Variants in MALRD1 observed in about 807,000 individuals in gnomAD.
MALRD1 encodes the protein MAM and LDL receptor class A domain containing 1, also known as MAM and LDL-receptor class A domain-containing protein 1.
In MALRD1, 247 loss-of-function variants were observed where a neutral mutation model predicts 242.1. The ratio of observed to expected loss-of-function variants is 1.02; its 90% CI spans 0.92 to 1.13. The LOEUF (loss-of-function observed/expected upper bound fraction) is 1.13. Among genes scored for constraint, MALRD1 ranks in the 50% most tolerant of loss-of-function variants. MALRD1 has a pLI of 0.00. For missense variants in MALRD1, 2,989 were observed against 2,533.1 expected, an observed-to-expected ratio of 1.18 and a Z score of -3.86; for synonymous variants, 995 against 866.6, an observed-to-expected ratio of 1.15 and a Z score of -2.60.
At chr10:19,687,474 A>G (rs1371105263) in intron 36 of MALRD1, among the ~76,000 whole-genome samples, 2 of 151,910 alleles carry the variant, frequency 1.3e-5, no homozygotes, top group Non-Finnish European at 2.9e-5. Context: ...AAATATCCCC[A>G]CTTGCACTGG....
intron 28 of MALRD1, among the ~76,000 whole-genome samples, chr10:19,440,518 G>C (rs879251278): frequency 6.6e-6 from 1 of 151,900 alleles, no homozygotes; most frequent in Non-Finnish European, 1.5e-5. Context: ...AACAGGACCC[G>C]ATGTGTGATG....
In MALRD1 at chr10:19,093,929, TGAG is replaced by T. The variant is rs923550193; in HGVS notation, c.597+5749_597+5751del. Among the ~76,000 whole-genome samples the T allele has an allele frequency of 4.5e-4, 45 of 100,758 alleles. 11 individuals are homozygous for T. The highest frequency in any genetic ancestry group is 0.011 in the Middle Eastern group (2 of 184). The allele number at this position is 100,758 out of a possible 152,430, so 66.1% of individuals were successfully genotyped here. A position where few individuals can be genotyped will look rare whatever the true frequency, so the allele number is the denominator to read the frequency against. ...GGGGGTCAGGGGTCAGGGACCCACT[TGAG>T]GAGGCAGTCTGCCCGTTCTCAGATC... On this transcript the variant is annotated intron_variant, in intron 4 of 39. Transcript: ENST00000454679.
chr10:19,516,159 T>G (rs1033391419), intron 31 of MALRD1, among the ~76,000 whole-genome samples: 56 of 152,320 alleles, frequency 3.7e-4, no homozygotes, highest in African/African-American at 1.3e-3. Context: ...ATGTACCTGC[T>G]TTAATCAAAC....
chr10:19,428,829 A>T (rs1009643409), intron 28 of MALRD1, among the ~76,000 whole-genome samples: 2 of 152,226 alleles, frequency 1.3e-5, no homozygotes, highest in Non-Finnish European at 2.9e-5. Context: ...TTAGATTTGC[A>T]TAAAATCTAT....
At chr10:19,224,958 T>C (rs1431772661) in intron 18 of MALRD1, among the ~76,000 whole-genome samples, 1 of 152,218 alleles carries the variant, frequency 6.6e-6, no homozygotes, top group Non-Finnish European at 1.5e-5. Flanking sequence ...TTCTAGAGTT[T>C]TTATGGTTTT....
At chr10:19,069,404 A>G (rs1436251135) in intron 2 of MALRD1, among the ~76,000 whole-genome samples, 3 of 152,046 alleles carry the variant, frequency 2.0e-5, no homozygotes, top group Admixed American at 2.0e-4. Flanking sequence ...CTACAAATCA[A>G]TGTTATAATA....
At chr10:19,482,652 T>TACACAC (rs144094060) in intron 29 of MALRD1, among the ~76,000 whole-genome samples, 33,575 of 136,002 alleles carry the variant, frequency 0.25, 4,413 homozygotes, top group East Asian at 0.29. Context: ...TTACAATAGC[T>TACACAC]ACACACACAC....
chr10:19,515,554 A>T (rs7071651), intron 31 of MALRD1, among the ~76,000 whole-genome samples: 105,091 of 151,438 alleles, frequency 0.69, 37,055 homozygotes, highest in African/African-American at 0.82. Context: ...TCTTTTTTTT[A>T]ATTTTTATTT....
chr10:19,621,500 T>A (rs1219147077), intron 36 of MALRD1, among the ~76,000 whole-genome samples: 1 of 151,474 alleles, frequency 6.6e-6, no homozygotes, highest in Non-Finnish European at 1.5e-5. Flanking sequence ...CAAATGTAAA[T>A]GTATTCAGAA....
In MALRD1 at chr10:19,567,719, A is replaced by C. The variant is rs1836319471; in HGVS notation, c.5680+16A>C. 1.3e-6 allele frequency: 2 copies of C among 1,543,536 alleles called. No individual in the cohort carries two copies. The highest frequency in any genetic ancestry group is 2.0e-5 in the Admixed American group (1 of 50,950). ...GTGACTGGAGGTAAGTGATTCTTTC[A>C]GAAAATGGGAATAAGTATTTGTTTT... is the stretch of plus-strand genomic sequence containing the variant. On this transcript the variant is annotated intron_variant, in intron 33 of 39. Coordinates refer to ENST00000454679, the MANE Select transcript of MALRD1 (RefSeq NM_001142308.3).
chr10:19,418,313 C>T (rs1450498201), intron 28 of MALRD1, among the ~76,000 whole-genome samples: 1 of 151,924 alleles, frequency 6.6e-6, no homozygotes, highest in Admixed American at 6.6e-5. Flanking sequence ...ACATAAGCAC[C>T]ATGATTAAGA....
chr10:19,718,192 CGAA>C (rs914530778), intron 38 of MALRD1, among the ~76,000 whole-genome samples: 8 of 146,530 alleles, frequency 5.5e-5, no homozygotes, highest in Non-Finnish European at 1.1e-4. Context: ...AAAAAGAAGA[CGAA>C]GAAGAAGAGG....
At chr10:19,489,108 G>C (rs761646475) in intron 29 of MALRD1, 4 of 463,912 alleles carry the variant, frequency 8.6e-6, no homozygotes, top group South Asian at 4.6e-5. Context: ...TGCCCAAGAG[G>C]AAGGTCAGCT....
At chr10:19,072,060 G>A (rs950941052) in intron 2 of MALRD1, among the ~76,000 whole-genome samples, 5 of 152,112 alleles carry the variant, frequency 3.3e-5, no homozygotes, top group African/African-American at 1.2e-4. Context: ...CATATTAAAA[G>A]TTAGAAAAAA....
chr10:19,147,533 A>G (rs1328855908), intron 11 of MALRD1, among the ~76,000 whole-genome samples: 1 of 152,250 alleles, frequency 6.6e-6, no homozygotes, highest in African/African-American at 2.4e-5. Context: ...TGTATTAACA[A>G]CACATTTTCT....
At chr10:19,142,727 T>C (rs535926028) in intron 10 of MALRD1, among the ~76,000 whole-genome samples, 1 of 152,318 alleles carries the variant, frequency 6.6e-6, no homozygotes, top group Non-Finnish European at 1.5e-5. Flanking sequence ...TGAATAGATT[T>C]TTTTAGATTT....
chr10:19,291,809 G>A (rs1199306240), intron 21 of MALRD1, among the ~76,000 whole-genome samples: 1 of 152,016 alleles, frequency 6.6e-6, no homozygotes, highest in African/African-American at 2.4e-5. Flanking sequence ...TTGTGGGCCA[G>A]GTGCAGTGCT....
chr10:19,674,360 C>G (rs1842051824), intron 36 of MALRD1, among the ~76,000 whole-genome samples: 1 of 152,122 alleles, frequency 6.6e-6, no homozygotes, highest in African/African-American at 2.4e-5. Flanking sequence ...CTTTTTATCT[C>G]CATCTGATGG....
chr10:19,211,535 A>C (rs1837067975), intron 18 of MALRD1, among the ~76,000 whole-genome samples: 1 of 151,850 alleles, frequency 6.6e-6, no homozygotes, highest in Non-Finnish European at 1.5e-5. Context: ...TCTACTAAAA[A>C]TAGAAAACAA....
Sources: gnomAD v4.1 joint callset for allele counts (sites outside exome capture counted in the v4.1 genomes callset) on GRCh38, gnomAD v4.1.1 for gene constraint, MANE v1.5 for transcripts, NCBI Gene and HGNC (gene_info 2026-07-23, HGNC 2026-07-21) for gene names.